The following STK35 variants were observed in gnomAD, a reference collection of about 807,000 sequenced individuals.
STK35 encodes the protein serine/threonine-protein kinase 35.
In STK35, 17 loss-of-function variants were observed where a neutral mutation model predicts 37.3. The observed-to-expected ratio is 0.46, with a 90% CI of 0.31 to 0.68. STK35 has a LOEUF of 0.68. Ranked by LOEUF, STK35 falls within the 30% of genes least tolerant of loss-of-function variation. The pLI is 0.05. For missense variants in STK35, 595 were observed against 746.7 expected (o/e 0.80, Z 2.37); for synonymous variants, 385 against 319.1 (o/e 1.21, Z -2.20).
At chr20:2,133,525 T>C (rs1986034063) in intron 3 of STK35, among the ~76,000 whole-genome samples, 1 of 152,224 alleles carries the variant, frequency 6.6e-6, no homozygotes, top group African/African-American at 2.4e-5. Context: ...CCAGTGTCTG[T>C]GTACTAATTA....
chr20:2,117,451 T>C lies in STK35; in HGVS notation c.*37+36T>C. 1 of 1,292,932 alleles carries C rather than the reference T, an allele frequency of 7.7e-7. No homozygotes were observed. The highest frequency in any genetic ancestry group is 1.1e-6 in the Non-Finnish European group (1 of 935,150). The allele number at this position is 1,292,932 out of a possible 1,614,324, so 80.1% of individuals were successfully genotyped here. A position where few individuals can be genotyped will look rare whatever the true frequency, so the allele number is the denominator to read the frequency against. On this transcript the variant is annotated intron_variant, in intron 3 of 3. Coordinates refer to ENST00000381482, the MANE Select transcript of STK35 (RefSeq NM_080836.4). This position sits in a 1 kb window ranked among gnomAD's most constrained non-coding sequence, Gnocchi z 4.4. ...TCTGTTGTTGTTTTTTGTTTTTTGTTTTGAGACAGGGTCTCACTCTGTTGG... is the reference window on the plus strand; with the variant it reads ...TCTGTTGTTGTTTTTTGTTTTTTGTCTTGAGACAGGGTCTCACTCTGTTGG...
chr20:2,117,797 C>T lies in STK35; in HGVS notation c.*37+382C>T, dbSNP rs1985744060. On this transcript the variant is annotated intron_variant, in intron 3 of 3. Coordinates refer to ENST00000381482, the MANE Select transcript of STK35 (RefSeq NM_080836.4). This position sits in a 1 kb window ranked among gnomAD's most constrained non-coding sequence, Gnocchi z 4.4. ...TTGGACCGGGTTCTTCATTCTGGACCCTGGCATGGGCCCTGTGAACTTGCA... is the reference window on the plus strand; with the variant it reads ...TTGGACCGGGTTCTTCATTCTGGACTCTGGCATGGGCCCTGTGAACTTGCA... 6.6e-6 allele frequency among the ~76,000 whole-genome samples: 1 copy of T among 152,060 alleles called. No individual in the cohort carries two copies. Among genetic ancestry groups the T allele is most frequent in the Non-Finnish European group, 1.5e-5 (1 of 68,022 alleles).
intron 3 of STK35, among the ~76,000 whole-genome samples, chr20:2,130,891 G>A (rs1985988372): frequency 6.6e-6 from 1 of 152,124 alleles, no homozygotes; most frequent in Admixed American, 6.5e-5. Flanking sequence ...TGGTTTGAAT[G>A]ACAATAGAGG....
intron 2 of STK35, among the ~76,000 whole-genome samples, chr20:2,116,075 C>A (rs1985711426): frequency 6.6e-6 from 1 of 152,144 alleles, no homozygotes; most frequent in African/African-American, 2.4e-5. Flanking sequence ...GAGGTGGAGG[C>A]ATGTTATGTA....
At chr20:2,122,386 C>T (rs1402671868) in intron 3 of STK35, among the ~76,000 whole-genome samples, 3 of 152,136 alleles carry the variant, frequency 2.0e-5, no homozygotes, top group African/African-American at 7.2e-5. Flanking sequence ...CCCTATACCA[C>T]CAAGATGAAA....
At chr20:2,123,612 G>A (rs897349388) in intron 3 of STK35, among the ~76,000 whole-genome samples, 4 of 152,152 alleles carry the variant, frequency 2.6e-5, no homozygotes, top group African/African-American at 4.8e-5. Context: ...TGTTACGCAC[G>A]CTATAGCTAC....
At position 2,148,314 on chromosome 20, in the gene STK35, A is replaced by G. The variant is rs1045433044; in HGVS notation, c.*4568A>G. ...GTTTCCAATACTAGTTAATAAATCTATTTTTCTTCATTTCCTTTTTTTGCA... is the reference window on the plus strand; with the variant it reads ...GTTTCCAATACTAGTTAATAAATCTGTTTTTCTTCATTTCCTTTTTTTGCA... On this transcript the variant is annotated 3_prime_UTR_variant, in exon 4 of 4. Coordinates refer to ENST00000381482, the MANE Select transcript of STK35 (RefSeq NM_080836.4). 1.3e-5 allele frequency: 2 copies of G among 152,494 alleles called. No homozygotes were observed. Among genetic ancestry groups the G allele is most frequent in the African/African-American group, 4.8e-5 (2 of 41,378 alleles). The allele number at this position is 152,494 out of a possible 1,614,324, so 9.4% of individuals were successfully genotyped here. A position where few individuals can be genotyped will look rare whatever the true frequency, so the allele number is the denominator to read the frequency against.
rs758221145 is a variant in STK35, at chr20:2,102,867, G to A, written c.394G>A (p.Ala132Thr). Residue 132 changes from alanine (A) to threonine (T), a missense_variant, in exon 2 of 4, where the codon GCA becomes ACA. Physicochemically the swap from Ala to Thr is moderately conservative, Grantham distance 58 (BLOSUM62 0). Transcript: ENST00000381482. ...AAPLLLPPPP[A>T]AMETGKDGAR... ...GCCGTTGCTGCTCCCCCCGCCGCCC[G>A]CAGCCATGGAAACGGGGAAGGACGG... is the stretch of plus-strand genomic sequence containing the variant. The A allele has an allele frequency of 5.8e-6, 9 of 1,560,492 alleles. No individual in the cohort carries two copies. The highest frequency in any genetic ancestry group is 1.8e-5 in the Admixed American group (1 of 55,270).
rs139894845 is a variant in STK35 at position 2,104,660 on chromosome 20, G to C, written c.892+1295G>C. Among the ~76,000 whole-genome samples the C allele has an allele frequency of 1.8e-3, 281 of 152,196 alleles. 1 individual carries two copies. The highest frequency in any genetic ancestry group is 6.6e-3 in the African/African-American group (273 of 41,532). ...GGTTTCCCAAAATCTTGTTACTTTT[G>C]CACAACTTAAAGATCCCCCAAGTCT... On this transcript the variant is annotated intron_variant, in intron 2 of 3. Coordinates refer to ENST00000381482, the MANE Select transcript of STK35 (RefSeq NM_080836.4).
chr20:2,139,495 G>A (rs138129604), intron 3 of STK35, among the ~76,000 whole-genome samples: 82 of 152,272 alleles, frequency 5.4e-4, no homozygotes, highest in African/African-American at 1.9e-3. Context: ...CTCTAGGAAG[G>A]GATTTTGCAT....
chr20:2,103,119 G>A lies in STK35; in HGVS notation c.646G>A (p.Val216Ile). The A allele has an allele frequency of 6.2e-7, 1 of 1,603,434 alleles. No individual in the cohort carries two copies. Among genetic ancestry groups the A allele is most frequent in the Non-Finnish European group, 8.5e-7 (1 of 1,179,132 alleles). ...AEIGRGSYGV[V>I]YEAVAGRSGA... is the part of the protein sequence containing the mutation. ...GATCGGGCGCGGCAGCTACGGCGTG[G>A]TTTATGAGGCAGTGGCCGGGCGCAG... The change falls in exon 2 of 4, where the codon GTT becomes ATT. Residue 216 changes from valine (V) to isoleucine (I), a missense_variant. Coordinates refer to ENST00000381482, the MANE Select transcript of STK35 (RefSeq NM_080836.4).
At chr20:2,143,287 G>GC (rs1986200591) in intron 3 of STK35, among the ~76,000 whole-genome samples, 1 of 152,194 alleles carries the variant, frequency 6.6e-6, no homozygotes, top group Admixed American at 6.5e-5. Flanking sequence ...ATTCTCAGAG[G>GC]CCTGAGCTTC....
chr20:2,135,035 G>A (rs1986062641), intron 3 of STK35, among the ~76,000 whole-genome samples: 1 of 152,184 alleles, frequency 6.6e-6, no homozygotes, highest in South Asian at 2.1e-4. Context: ...ATTTGGCAGG[G>A]GAAGAAATGA....
chr20:2,128,078 A>G (rs1050705177), intron 3 of STK35, among the ~76,000 whole-genome samples: 4 of 152,158 alleles, frequency 2.6e-5, no homozygotes, highest in Non-Finnish European at 5.9e-5. Flanking sequence ...CCAGACCAGC[A>G]GCATCACCTG....
At chr20:2,129,150 G>C (rs577161039) in intron 3 of STK35, among the ~76,000 whole-genome samples, 63 of 152,304 alleles carry the variant, frequency 4.1e-4, no homozygotes, top group African/African-American at 1.5e-3. Context: ...ACATGACTTT[G>C]AATTGTGACT....
chr20:2,121,095 A>G (rs1985808611), intron 3 of STK35, among the ~76,000 whole-genome samples: 1 of 152,238 alleles, frequency 6.6e-6, no homozygotes, highest in Admixed American at 6.5e-5. Flanking sequence ...AGGAGTGTAT[A>G]GGAAGAGATA....
chr20:2,138,463 T>A (rs1194581606), intron 3 of STK35, among the ~76,000 whole-genome samples: 1 of 152,152 alleles, frequency 6.6e-6, no homozygotes, highest in African/African-American at 2.4e-5. Context: ...AGGAAAGAGT[T>A]CCATGCCCAT....
At chr20:2,115,399 C>T (rs985067429) in intron 2 of STK35, among the ~76,000 whole-genome samples, 1 of 152,156 alleles carries the variant, frequency 6.6e-6, no homozygotes, top group African/African-American at 2.4e-5. Context: ...TGGTAGGATG[C>T]ATACTCCATA....
chr20:2,144,675 T>A lies in STK35; in HGVS notation c.*929T>A. The A allele has an allele frequency of 6.5e-6, 1 of 152,994 alleles. No homozygotes were observed. Among genetic ancestry groups the A allele is most frequent in the East Asian group, 1.9e-4 (1 of 5,200 alleles). The allele number at this position is 152,994 out of a possible 1,614,324, so 9.5% of individuals were successfully genotyped here. ...GCAGGCATCTGTCACTGCCGTGAGG[T>A]CAGCGCTTCTCACCTAACTGCCTCC... On this transcript the variant is annotated 3_prime_UTR_variant, in exon 4 of 4. Coordinates refer to ENST00000381482, the MANE Select transcript of STK35 (RefSeq NM_080836.4).
Sources: allele counts gnomAD v4.1 joint callset (sites outside exome capture counted in the v4.1 genomes callset), GRCh38; gene constraint gnomAD v4.1.1; non-coding constraint Gnocchi (gnomAD v3.1); transcripts MANE v1.5; gene names NCBI Gene and HGNC (gene_info 2026-07-23, HGNC 2026-07-21).